The following DAAM2 variants were observed in gnomAD, a reference collection of about 807,000 sequenced individuals.
DAAM2 encodes disheveled-associated activator of morphogenesis 2.
In DAAM2, 39 loss-of-function variants were observed where a neutral mutation model predicts 120.7. That is an observed-to-expected ratio of 0.32 (90% CI 0.25 to 0.42). DAAM2 has a LOEUF of 0.42. Ranked by LOEUF, DAAM2 falls within the 10% of genes least tolerant of loss-of-function variation. DAAM2 has a pLI of 1.00. For missense variants in DAAM2, 1,283 were observed against 1,401.7 expected (o/e 0.92, Z 1.35); for synonymous variants, 488 against 524.9 (o/e 0.93, Z 0.96).
chr6:39,902,129 G>A lies in DAAM2; in HGVS notation c.*92G>A. 1 of 1,173,156 alleles carries A rather than the reference G, an allele frequency of 8.5e-7. No homozygotes were observed. The highest frequency in any genetic ancestry group is 1.2e-6 in the Non-Finnish European group (1 of 841,068). The allele number at this position is 1,173,156 out of a possible 1,614,324, so 72.7% of individuals were successfully genotyped here. Reference sequence around the variant, plus strand: ...GGTGGTGATATTTAAACCATTTGGTGCTTGGTTTAGAGCCTTGGGCTGGGT... The same window carrying A: ...GGTGGTGATATTTAAACCATTTGGTACTTGGTTTAGAGCCTTGGGCTGGGT... On this transcript the variant is annotated 3_prime_UTR_variant, in exon 25 of 25. Transcript: ENST00000274867.
chr6:39,825,444 T>C (rs1406823278), intron 1 of DAAM2, among the ~76,000 whole-genome samples: 4 of 33,208 alleles, frequency 1.2e-4, no homozygotes, highest in Admixed American at 4.5e-4. Context: ...GGTCGGGGGG[T>C]TGGTGGGGGG....
intron 17 of DAAM2, among the ~76,000 whole-genome samples, chr6:39,889,662 C>T (rs1765587338): frequency 1.3e-5 from 2 of 152,140 alleles, no homozygotes. Flanking sequence ...GTCAAAAATC[C>T]ACATATAACT....
intron 1 of DAAM2, among the ~76,000 whole-genome samples, chr6:39,803,429 G>A (rs554620185): frequency 6.6e-6 from 1 of 152,296 alleles, no homozygotes; most frequent in African/African-American, 2.4e-5. Flanking sequence ...GTCTGCTGGG[G>A]TAGGTAGTCC....
At chr6:39,877,109 C>T (rs919925649) in intron 11 of DAAM2, among the ~76,000 whole-genome samples, 1 of 152,218 alleles carries the variant, frequency 6.6e-6, no homozygotes, top group Admixed American at 6.5e-5. Flanking sequence ...CCCTGGCAGT[C>T]CACTGCCTGT....
chr6:39,809,047 G>A (rs1366925331), intron 1 of DAAM2, among the ~76,000 whole-genome samples: 5 of 152,184 alleles, frequency 3.3e-5, no homozygotes. Context: ...TAATGAGAAG[G>A]CTATTTACAG....
At chr6:39,850,217 C>T (rs1455428710) in intron 1 of DAAM2, among the ~76,000 whole-genome samples, 2 of 152,222 alleles carry the variant, frequency 1.3e-5, no homozygotes, top group Admixed American at 1.3e-4. Flanking sequence ...CTGTGCTCTT[C>T]CTTCTGTGCC....
rs187052731 is a variant in DAAM2 at position 39,799,481 on chromosome 6, G to A, written c.-57+7016G>A. ...TAGACTTTAGTGGCAGACTTATTTT[G>A]GTGGCAGATATATATTGTGTGTGGA... On this transcript the variant is annotated intron_variant, in intron 1 of 24. Transcript: ENST00000274867. Among the ~76,000 whole-genome samples the A allele has an allele frequency of 1.1e-4, 17 of 152,284 alleles. No homozygotes were observed. The East Asian group carries it at 3.3e-3, about 29-fold the overall frequency.
intron 14 of DAAM2, 169 bp downstream of exon 14, chr6:39,879,646 A>C: frequency 1.0e-5 from 8 of 795,792 alleles, no homozygotes; most frequent in Non-Finnish European, 1.7e-5. Flanking sequence ...CAGGCAGCTC[A>C]CGGTCAGAAC....
chr6:39,900,873 C>T (rs1248544707), intron 23 of DAAM2, among the ~76,000 whole-genome samples: 1 of 152,194 alleles, frequency 6.6e-6, no homozygotes, highest in Non-Finnish European at 1.5e-5. Flanking sequence ...ACCAACTCAT[C>T]TAACCCCCCA....
intron 1 of DAAM2, among the ~76,000 whole-genome samples, chr6:39,826,607 C>T (rs1035702994): frequency 2.0e-5 from 3 of 152,304 alleles, no homozygotes; most frequent in South Asian, 2.1e-4. Context: ...TCTTGAATCC[C>T]TGGACACCAG....
At chr6:39,857,716 A>T (rs1201266647) in intron 2 of DAAM2, among the ~76,000 whole-genome samples, 2 of 152,204 alleles carry the variant, frequency 1.3e-5, no homozygotes, top group African/African-American at 4.8e-5. Context: ...GCACTTTAGC[A>T]AAAACAAGGG....
chr6:39,877,449 T>G (rs543404184), intron 11 of DAAM2, among the ~76,000 whole-genome samples: 13 of 152,304 alleles, frequency 8.5e-5, no homozygotes, highest in African/African-American at 3.1e-4. Context: ...AGGTAGCATC[T>G]TGGGGATAAC....
intron 1 of DAAM2, among the ~76,000 whole-genome samples, chr6:39,801,477 A>G (rs1271837092): frequency 6.6e-6 from 1 of 152,004 alleles, no homozygotes; most frequent in Non-Finnish European, 1.5e-5. Context: ...ATTCCTCTCT[A>G]CCTCACCTGT....
chr6:39,870,661 G>C (rs761408292), intron 8 of DAAM2, among the ~76,000 whole-genome samples: 7 of 152,334 alleles, frequency 4.6e-5, no homozygotes, highest in Non-Finnish European at 1.0e-4. Context: ...GGTGAACCCA[G>C]TAGCCCTCAA....
intron 1 of DAAM2, among the ~76,000 whole-genome samples, chr6:39,803,675 G>A (rs1459544688): frequency 1.3e-5 from 2 of 152,192 alleles, no homozygotes; most frequent in Non-Finnish European, 2.9e-5. Flanking sequence ...GGATCCCATG[G>A]TGACTCGCTT....
rs910445089 is a variant in DAAM2 at position 39,792,438 on chromosome 6, G to A, written c.-84G>A. On this transcript the variant is annotated 5_prime_UTR_variant, in exon 1 of 25. Transcript: ENST00000274867. ...CGGCGGCGCCGTACCTCGGGCTGCG[G>A]GAGCGCGGGCGCCCTGGGGTCCTCG... 6.6e-6 allele frequency: 1 copy of A among 152,158 alleles called. No homozygotes were observed. Among genetic ancestry groups the A allele is most frequent in the Non-Finnish European group, 1.5e-5 (1 of 68,048 alleles). The allele number at this position is 152,158 out of a possible 1,614,324, so 9.4% of individuals were successfully genotyped here. A position where few individuals can be genotyped will look rare whatever the true frequency, so the allele number is the denominator to read the frequency against.
rs566751321 is a variant in DAAM2 at position 39,878,964 on chromosome 6, C to A, written c.1546-214C>A. Among the ~76,000 whole-genome samples, 1 of 151,686 alleles carries A rather than the reference C, an allele frequency of 6.6e-6. No individual in the cohort carries two copies. The highest frequency in any genetic ancestry group is 2.4e-5 in the African/African-American group (1 of 41,224). ...GATTGTCCAGTGTCCGTGTGCGTGA[C>A]GTGTGTGTGTCTGTGGTGGTGGTGT... On this transcript the variant is annotated intron_variant, in intron 13 of 24. Coordinates refer to ENST00000274867, the MANE Select transcript of DAAM2 (RefSeq NM_001201427.2). The surrounding 1 kb of genome is among the most constrained non-coding windows in gnomAD (Gnocchi z 5.0).
intron 10 of DAAM2, among the ~76,000 whole-genome samples, chr6:39,874,727 A>AG (rs1306997024): frequency 6.6e-6 from 1 of 152,194 alleles, no homozygotes; most frequent in African/African-American, 2.4e-5. Context: ...CTATCATTAG[A>AG]GGGGATGAGA....
At chr6:39,832,362 G>GT (rs1762947462) in intron 1 of DAAM2, among the ~76,000 whole-genome samples, 2 of 152,142 alleles carry the variant, frequency 1.3e-5, no homozygotes, top group South Asian at 4.2e-4. Flanking sequence ...AAGTGGGACT[G>GT]TTTTTTGCTC....
Sources: gnomAD v4.1 joint callset for allele counts (sites outside exome capture counted in the v4.1 genomes callset) on GRCh38, gnomAD v4.1.1 for gene constraint, Gnocchi (gnomAD v3.1) non-coding constraint, MANE v1.5 for transcripts, NCBI Gene and HGNC (gene_info 2026-07-23, HGNC 2026-07-21) for gene names.